Variants in PDS5A observed in about 807,000 individuals in gnomAD.
PDS5A encodes the protein sister chromatid cohesion protein PDS5 homolog A.
PDS5A carries 42 observed loss-of-function variants against 167.1 expected under a neutral mutation model. That is an observed-to-expected ratio of 0.25 (90% CI 0.20 to 0.33). The LOEUF is 0.33. PDS5A is among the 10% of genes least tolerant of loss of function. The probability of loss-of-function intolerance (pLI) is 1.00; values close to 1 mark genes in which losing one functional copy is unlikely to be tolerated. For missense variants in PDS5A, 1,033 were observed against 1,605.9 expected, an observed-to-expected ratio of 0.64 and a Z score of 6.10; for synonymous variants, 553 against 554.6, an observed-to-expected ratio of 1.00 and a Z score of 0.04.
intron 32 of PDS5A, among the ~76,000 whole-genome samples, chr4:39,827,820 A>G (rs1473010355): frequency 6.6e-6 from 1 of 152,156 alleles, no homozygotes; most frequent in African/African-American, 2.4e-5. Context: ...GAAGTCACAA[A>G]TTTGGGGTTA....
chr4:39,976,787 A>C (rs563621283), intron 1 of PDS5A, among the ~76,000 whole-genome samples, 170 bp from the exon 2 acceptor site: 1,639 of 152,108 alleles, frequency 0.011, 17 homozygotes, highest in Middle Eastern at 0.017. Context: ...CGGCCCCGCC[A>C]ACCCGGCCCT....
chr4:39,863,653 T>C (rs2109548781), intron 23 of PDS5A, among the ~76,000 whole-genome samples, 194 bp from the exon 24 acceptor site: 1 of 152,294 alleles, frequency 6.6e-6, no homozygotes. Context: ...ATCAAATCAT[T>C]GTGACTTTCT....
Position 39,890,280 on chromosome 4 carries a change from C to T in PDS5A, c.1855G>A (p.Ala619Thr), listed in dbSNP as rs1343468306. The change falls in exon 17 of 33, where the codon GCA becomes ACA. Residue 619 changes from alanine to threonine, a missense_variant. By Grantham distance (58) the Ala-to-Thr change is moderately conservative. Coordinates refer to ENST00000303538, the MANE Select transcript of PDS5A (RefSeq NM_001100399.2). The part of the protein sequence containing the change: ...EMVKFLLERI[A>T]PVHIDSEAIS... Reference sequence around the variant, plus strand: ...GCTTCTGAATCAATGTGCACAGGTGCGATTCTTTCCAACAGAAATTTGACC... The same window carrying T: ...GCTTCTGAATCAATGTGCACAGGTGTGATTCTTTCCAACAGAAATTTGACC... The T allele has an allele frequency of 1.3e-6, 2 of 1,573,504 alleles. No individual in the cohort carries two copies. The highest frequency in any genetic ancestry group is 1.7e-6 in the Non-Finnish European group (2 of 1,156,350).
rs1434634970 is a variant in PDS5A at position 39,864,627 on chromosome 4, T to C, written c.2643-1168A>G. On this transcript the variant is annotated intron_variant, in intron 23 of 32. Coordinates refer to ENST00000303538, the MANE Select transcript of PDS5A (RefSeq NM_001100399.2). ...TGCTAAGCATAGAGAGAAGAAAACCTGGCACTCTTGGACAACAGGATTGTT... is the reference window on the plus strand; with the variant it reads ...TGCTAAGCATAGAGAGAAGAAAACCCGGCACTCTTGGACAACAGGATTGTT... 2.0e-5 allele frequency among the ~76,000 whole-genome samples: 3 copies of C among 151,990 alleles called. No homozygotes were observed. In the East Asian group the frequency reaches 5.8e-4, roughly 29 times the overall value.
chr4:39,890,382 T>A lies in PDS5A; in HGVS notation c.1771-18A>T. ...ATTTCTCTCTATAGAAAGAAAGGAGTTTTACCAAAAACGTGATTTGCTTTC... is the reference window on the plus strand; with the variant it reads ...ATTTCTCTCTATAGAAAGAAAGGAGATTTACCAAAAACGTGATTTGCTTTC... On this transcript the variant is annotated intron_variant, in intron 16 of 32. Transcript: ENST00000303538. 7.5e-7 allele frequency: 1 copy of A among 1,340,874 alleles called. No individual in the cohort carries two copies. The highest frequency in any genetic ancestry group is 1.0e-6 in the Non-Finnish European group (1 of 961,700). The allele number at this position is 1,340,874 out of a possible 1,614,324, so 83.1% of individuals were successfully genotyped here.
intron 10 of PDS5A, 70 bp from the exon 11 acceptor site, chr4:39,908,610 A>G: frequency 1.1e-6 from 1 of 931,658 alleles, no homozygotes; most frequent in Non-Finnish European, 1.7e-6. Context: ...GAATGGCAAG[A>G]ACAGAAATAT....
At chr4:39,942,033 C>T (rs1727271493) in intron 2 of PDS5A, among the ~76,000 whole-genome samples, 1 of 152,274 alleles carries the variant, frequency 6.6e-6, no homozygotes, top group Non-Finnish European at 1.5e-5. Flanking sequence ...TCATACCCAA[C>T]TTGAGTCTCT....
chr4:39,898,313 T>G (rs761873307), intron 16 of PDS5A, 76 bp downstream of exon 16: 2 of 1,444,408 alleles, frequency 1.4e-6, no homozygotes, highest in Admixed American at 5.5e-5. Flanking sequence ...AATCACTGTA[T>G]GTAAAACAGG....
rs148804760 is a variant in PDS5A, at chr4:39,886,915, T to C, written c.1886+3334A>G. Among the ~76,000 whole-genome samples the C allele has an allele frequency of 7.2e-3, 1,094 of 152,114 alleles. 13 individuals carry two copies. Among genetic ancestry groups the C allele is most frequent in the African/African-American group, 0.024 (1,009 of 41,508 alleles). On this transcript the variant is annotated intron_variant, in intron 17 of 32. Coordinates refer to ENST00000303538, the MANE Select transcript of PDS5A (RefSeq NM_001100399.2). ...TAAATAAGATTGCTTTCTTGATTTT[T>C]CGGATTGTTTGCTGTCGGCATACGT...
chr4:39,975,424 A>C (rs1254286223), intron 2 of PDS5A, among the ~76,000 whole-genome samples: 1 of 152,248 alleles, frequency 6.6e-6, no homozygotes, highest in East Asian at 1.9e-4. Flanking sequence ...CTCATTCCCT[A>C]AAATACATTT....
At position 39,922,718 on chromosome 4, in the gene PDS5A, G is replaced by T; in HGVS notation, c.558C>A (p.His186Gln). The T allele has an allele frequency of 1.3e-6, 2 of 1,564,810 alleles. No homozygotes were observed. The highest frequency in any genetic ancestry group is 1.2e-5 in the South Asian group (1 of 82,244). ...TGATAGAACTCATCAAATCTAGCAT[G>T]TGCATTTGTACCTTCTTATTGTGGC... Reference protein sequence around the residue: ...NNSHNKKVQMHMLDLMSSIIM... With the variant: ...NNSHNKKVQMQMLDLMSSIIM... The change falls in exon 6 of 33, where the codon CAC becomes CAA. Residue 186 changes from histidine (H) to glutamine (Q), a missense_variant. Physicochemically the swap from His to Gln is conservative, Grantham distance 24 (BLOSUM62 0). Coordinates refer to ENST00000303538, the MANE Select transcript of PDS5A (RefSeq NM_001100399.2).
chr4:39,884,117 C>T (rs901857630), intron 17 of PDS5A, among the ~76,000 whole-genome samples: 5 of 151,606 alleles, frequency 3.3e-5, no homozygotes, highest in Non-Finnish European at 5.9e-5. Context: ...TTAGTAGGGA[C>T]GGGGTTTCAC....
chr4:39,943,832 A>C (rs1316829962), intron 2 of PDS5A, among the ~76,000 whole-genome samples: 2 of 151,286 alleles, frequency 1.3e-5, no homozygotes, highest in African/African-American at 4.9e-5. Context: ...ACAACAACAA[A>C]AAGATCCATT....
chr4:39,972,876 T>C (rs1303104519), intron 2 of PDS5A, among the ~76,000 whole-genome samples: 1 of 150,848 alleles, frequency 6.6e-6, no homozygotes, highest in Non-Finnish European at 1.5e-5. Context: ...TATAAAACAT[T>C]AATTTGTCTT....
chr4:39,910,596 C>A, intron 9 of PDS5A, among the ~76,000 whole-genome samples: 1 of 152,146 alleles, frequency 6.6e-6, no homozygotes, highest in South Asian at 2.1e-4. Context: ...ACAAACACAT[C>A]CTTCAACCCA....
chr4:39,842,609 A>G (rs1186400334), intron 30 of PDS5A, among the ~76,000 whole-genome samples: 1 of 152,110 alleles, frequency 6.6e-6, no homozygotes, highest in Non-Finnish European at 1.5e-5. Context: ...AATAATATCT[A>G]TAAAAACCAC....
At chr4:39,875,983 G>C (rs774839576) in intron 19 of PDS5A, among the ~76,000 whole-genome samples, 2 of 151,944 alleles carry the variant, frequency 1.3e-5, no homozygotes, top group African/African-American at 2.4e-5. Flanking sequence ...CTTTAGCATT[G>C]TGCTTTTCTG....
chr4:39,940,824 T>C (rs1019734778), intron 2 of PDS5A, among the ~76,000 whole-genome samples: 1 of 152,210 alleles, frequency 6.6e-6, no homozygotes, highest in African/African-American at 2.4e-5. Flanking sequence ...GGCTAAATTT[T>C]GGGGTCTTGT....
Position 39,964,625 on chromosome 4 carries a change from C to G in PDS5A, c.138+11815G>C, listed in dbSNP as rs1004593976. 4.6e-5 allele frequency among the ~76,000 whole-genome samples: 7 copies of G among 152,180 alleles called. No individual in the cohort carries two copies. The East Asian group carries it at 1.3e-3, about 29-fold the overall frequency. On this transcript the variant is annotated intron_variant, in intron 2 of 32. Coordinates refer to ENST00000303538, the MANE Select transcript of PDS5A (RefSeq NM_001100399.2). Reference sequence around the variant, plus strand: ...GCCAAGACAAGAGGATCACTTGAACCCAGAAGGTGCAGTGAGCCGAGATTG... The same window carrying G: ...GCCAAGACAAGAGGATCACTTGAACGCAGAAGGTGCAGTGAGCCGAGATTG...
Sources: gnomAD v4.1 joint callset for allele counts (sites outside exome capture counted in the v4.1 genomes callset) on GRCh38, gnomAD v4.1.1 for gene constraint, MANE v1.5 for transcripts, NCBI Gene and HGNC (gene_info 2026-07-23, HGNC 2026-07-21) for gene names.